The following SNTG1 variants were observed in gnomAD, a reference collection of about 807,000 sequenced individuals.
The protein encoded by SNTG1 is gamma-1-syntrophin.
SNTG1 carries 39 observed loss-of-function variants against 74.7 expected under a neutral mutation model. The ratio of observed to expected loss-of-function variants is 0.52; its 90% CI spans 0.40 to 0.68. SNTG1 has a LOEUF of 0.68. SNTG1 is among the 30% of genes least tolerant of loss of function. The probability of loss-of-function intolerance (pLI) is 0.00; values close to 1 mark genes in which losing one functional copy is unlikely to be tolerated. For synonymous variants in SNTG1, 254 were observed against 217.1 expected (o/e 1.17, Z -1.49); for missense variants, 685 against 609.5 (o/e 1.12, Z -1.30).
chr8:50,566,541 A>T (rs1354691400), intron 12 of SNTG1, among the ~76,000 whole-genome samples: 1 of 152,006 alleles, frequency 6.6e-6, no homozygotes, highest in African/African-American at 2.4e-5. Context: ...AAAAACAAAT[A>T]TTTATCAAAA....
chr8:50,302,162 C>G (rs982312352), intron 2 of SNTG1, among the ~76,000 whole-genome samples: 1 of 152,118 alleles, frequency 6.6e-6, no homozygotes, highest in African/African-American at 2.4e-5. Flanking sequence ...GCTGACAGAC[C>G]GGTGTGTGGA....
At chr8:50,434,559 T>C (rs1166298598) in intron 4 of SNTG1, among the ~76,000 whole-genome samples, 1 of 152,178 alleles carries the variant, frequency 6.6e-6, no homozygotes, top group African/African-American at 2.4e-5. Flanking sequence ...TGTTGTTTCC[T>C]GACTTTTGAA....
At chr8:50,576,128 T>C (rs952775727) in intron 12 of SNTG1, among the ~76,000 whole-genome samples, 1 of 152,216 alleles carries the variant, frequency 6.6e-6, no homozygotes, top group Non-Finnish European at 1.5e-5. Flanking sequence ...CTTTATGTCT[T>C]ATGCTCAGGT....
intron 1 of SNTG1, among the ~76,000 whole-genome samples, chr8:49,921,847 A>G (rs1806574340): frequency 6.6e-6 from 1 of 152,170 alleles, no homozygotes; most frequent in Non-Finnish European, 1.5e-5. Context: ...AAAATAGTCA[A>G]TAGTTGCTCA....
intron 13 of SNTG1, among the ~76,000 whole-genome samples, chr8:50,655,682 A>G (rs1307099610): frequency 2.6e-5 from 4 of 152,224 alleles, no homozygotes; most frequent in East Asian, 3.8e-4. Context: ...AGTAAACATA[A>G]TTAATGGAAA....
intron 2 of SNTG1, among the ~76,000 whole-genome samples, chr8:50,334,299 T>G (rs1372816114): frequency 6.6e-6 from 1 of 152,222 alleles, no homozygotes; most frequent in Non-Finnish European, 1.5e-5. Flanking sequence ...TATACCATGC[T>G]GGACTCTTGA....
intron 13 of SNTG1, among the ~76,000 whole-genome samples, chr8:50,600,248 G>A (rs1226473479): frequency 6.6e-6 from 1 of 151,814 alleles, no homozygotes; most frequent in Admixed American, 6.6e-5. Flanking sequence ...AGAAATATTG[G>A]CCTGTAATTT....
intron 2 of SNTG1, among the ~76,000 whole-genome samples, chr8:50,206,785 A>G (rs1031023253): frequency 2.0e-5 from 3 of 152,130 alleles, no homozygotes; most frequent in Admixed American, 1.3e-4. Flanking sequence ...AGGGTTGTTG[A>G]ATTTTGTCAA....
intron 15 of SNTG1, among the ~76,000 whole-genome samples, chr8:50,702,325 C>G (rs546850643): frequency 2.0e-5 from 3 of 151,910 alleles, no homozygotes; most frequent in African/African-American, 7.3e-5. Context: ...ATTTTTTTCT[C>G]CCTTCAGACA....
intron 13 of SNTG1, among the ~76,000 whole-genome samples, chr8:50,622,808 T>G (rs13265515): frequency 0.6 from 90,274 of 151,000 alleles, 29,363 homozygotes; most frequent in East Asian, 0.74. Context: ...TCTAAGAACA[T>G]AATAAAATAG....
At chr8:50,085,524 T>A (rs1421636378) in intron 1 of SNTG1, among the ~76,000 whole-genome samples, 1 of 152,226 alleles carries the variant, frequency 6.6e-6, no homozygotes, top group Non-Finnish European at 1.5e-5. Flanking sequence ...GTAACCAGCA[T>A]CCTCATAGTA....
chr8:50,042,831 T>C (rs891190250), intron 1 of SNTG1, among the ~76,000 whole-genome samples: 4 of 152,104 alleles, frequency 2.6e-5, no homozygotes, highest in Non-Finnish European at 4.4e-5. Context: ...TATTGGATTC[T>C]AGTGATCCTC....
At chr8:50,088,644 TC>T (rs1276719064) in intron 1 of SNTG1, among the ~76,000 whole-genome samples, 2 of 126,212 alleles carry the variant, frequency 1.6e-5, no homozygotes, top group Middle Eastern at 3.9e-3. Flanking sequence ...ATGAGTGAAC[TC>T]CCATTCACAA....
At chr8:50,022,573 T>C (rs1258663160) in intron 1 of SNTG1, among the ~76,000 whole-genome samples, 1 of 152,200 alleles carries the variant, frequency 6.6e-6, no homozygotes, top group Non-Finnish European at 1.5e-5. Context: ...GTCAATGTCT[T>C]AAATTTGTAA....
In SNTG1 at chr8:50,526,968, G is replaced by A. The variant is rs367778083; in HGVS notation, c.467-3209G>A. 7.9e-5 allele frequency among the ~76,000 whole-genome samples: 12 copies of A among 152,180 alleles called. No homozygotes were observed. The East Asian group carries it at 1.9e-3, about 25-fold the overall frequency. On this transcript the variant is annotated intron_variant, in intron 9 of 18. Coordinates refer to ENST00000642720, the MANE Select transcript of SNTG1 (RefSeq NM_018967.5). The stretch of plus-strand genomic sequence containing the variant: ...CAACTCCCACTGTGTTCCCCAGAAA[G>A]GTATGCAAGCACTGGTTGCCCTACA...
At chr8:50,308,330 G>A (rs2089978547) in intron 2 of SNTG1, among the ~76,000 whole-genome samples, 1 of 151,904 alleles carries the variant, frequency 6.6e-6, no homozygotes, top group Non-Finnish European at 1.5e-5. Flanking sequence ...CCATAGTCGT[G>A]AGAGGCTTCT....
At chr8:50,565,414 A>ACT (rs2130719307) in intron 12 of SNTG1, among the ~76,000 whole-genome samples, 1 of 152,158 alleles carries the variant, frequency 6.6e-6, no homozygotes, top group East Asian at 1.9e-4. Flanking sequence ...ATAATAGGGG[A>ACT]GACTAGCTGT....
intron 2 of SNTG1, among the ~76,000 whole-genome samples, chr8:50,388,126 A>G: frequency 6.6e-6 from 1 of 152,180 alleles, no homozygotes; most frequent in East Asian, 1.9e-4. Context: ...ATAGGAGATA[A>G]GGGTATAATC....
At chr8:50,365,228 T>G (rs1587330031) in intron 2 of SNTG1, among the ~76,000 whole-genome samples, 1 of 152,146 alleles carries the variant, frequency 6.6e-6, no homozygotes, top group Non-Finnish European at 1.5e-5. Context: ...TTGTATTCAT[T>G]GATTTTTCTC....
Sources: allele counts gnomAD v4.1 joint callset (sites outside exome capture counted in the v4.1 genomes callset), GRCh38; gene constraint gnomAD v4.1.1; transcripts MANE v1.5; gene names NCBI Gene and HGNC (gene_info 2026-07-23, HGNC 2026-07-21).